The following PBRM1 variants were observed in gnomAD, a reference collection of about 807,000 sequenced individuals.
PBRM1 encodes protein polybromo-1.
Under a neutral mutation model 194.5 loss-of-function variants are expected in PBRM1, and 27 were observed. The observed-to-expected ratio is 0.14, with a 90% CI of 0.10 to 0.19. PBRM1 has a LOEUF of 0.19. PBRM1 is among the 10% of genes least tolerant of loss of function. The pLI is 1.00. For synonymous variants in PBRM1, 655 were observed against 693.2 expected (o/e 0.94, Z 0.87); for missense variants, 1,466 against 2,077.2 (o/e 0.71, Z 5.72).
At position 52,609,373 on chromosome 3, in the gene PBRM1, C is replaced by T. The variant is rs761573345; in HGVS notation, c.2507G>A (p.Arg836Gln). ...CATATGCTCTTGAAATAAATCAAGC[C>T]GACGGTAGCGATTATTTTCAACATT... Residue 836 changes from arginine to glutamine, a missense_variant, in exon 16 of 30, where the codon CGG (arginine) becomes CAG (glutamine). Coordinates refer to ENST00000296302, the Ensembl canonical transcript of PBRM1. The surrounding 1 kb of genome is among the most constrained non-coding windows in gnomAD (Gnocchi z 4.1). The T allele has an allele frequency of 6.2e-7, 1 of 1,613,894 alleles. No homozygotes were observed. The highest frequency in any genetic ancestry group is 8.5e-7 in the Non-Finnish European group (1 of 1,179,812).
chr3:52,676,151 AAT>A (rs1353177181), intron 2 of PBRM1, among the ~76,000 whole-genome samples: 628 of 16,598 alleles, frequency 0.038, 253 homozygotes, highest in Non-Finnish European at 0.054. Context: ...AAAAAAAAAA[AAT>A]AATGAATGAA....
chr3:52,666,069 G>GA (rs542723912), intron 3 of PBRM1, among the ~76,000 whole-genome samples: 28 of 152,046 alleles, frequency 1.8e-4, no homozygotes, highest in African/African-American at 6.7e-4. Context: ...AAAAAGTTTT[G>GA]AAAAAAATGA....
At chr3:52,685,885 C>T (rs536602853), upstream of PBRM1, 4 of 621,500 alleles carry the variant, frequency 6.4e-6, no homozygotes, top group Admixed American at 5.2e-5. Flanking sequence ...CCTCACCTCC[C>T]TTACCCCTCC....
intron 22 of PBRM1, 127 bp downstream of exon 24, chr3:52,576,414 A>G (rs2089616015): frequency 1.8e-6 from 1 of 569,250 alleles, no homozygotes; most frequent in African/African-American, 1.9e-5. Context: ...GCCCCAACAT[A>G]AGAGAACAGA....
At chr3:52,669,092 C>G (rs981542306) in intron 2 of PBRM1, among the ~76,000 whole-genome samples, 1 of 152,124 alleles carries the variant, frequency 6.6e-6, no homozygotes, top group Non-Finnish European at 1.5e-5. Context: ...TAAATTTTTT[C>G]TGCCAAGTAC....
intron 13 of PBRM1, among the ~76,000 whole-genome samples, chr3:52,623,107 CT>C (rs2095334800): frequency 6.6e-6 from 1 of 152,198 alleles, no homozygotes; most frequent in Non-Finnish European, 1.5e-5. Context: ...CACCATGCTG[CT>C]TTTATGTCCC....
chr3:52,576,470 C>A (rs2089635651), intron 22 of PBRM1, 71 bp downstream of exon 24: 2 of 1,199,230 alleles, frequency 1.7e-6, no homozygotes, highest in East Asian at 2.4e-5. Flanking sequence ...TAGAACAGTG[C>A]CCCACAGAAG....
At chr3:52,564,412 G>A (rs954760905) in intron 22 of PBRM1, among the ~76,000 whole-genome samples, 179 bp from the exon 25 acceptor site, 6 of 152,130 alleles carry the variant, frequency 3.9e-5, no homozygotes, top group African/African-American at 7.2e-5. Flanking sequence ...AGGCTGAAGT[G>A]GGCAGATCTC....
chr3:52,599,105 G>A (rs140904277), intron 17 of PBRM1, among the ~76,000 whole-genome samples: 98 of 151,900 alleles, frequency 6.5e-4, no homozygotes, highest in South Asian at 1.0e-3. Context: ...CAAGAGACTC[G>A]CTTGAGCTCA....
intron 13 of PBRM1, among the ~76,000 whole-genome samples, chr3:52,622,559 G>A (rs1201784417): frequency 6.6e-6 from 1 of 152,154 alleles, no homozygotes; most frequent in African/African-American, 2.4e-5. Context: ...CAAAGTTTAT[G>A]CACTAGCAGA....
At chr3:52,617,222 C>G (rs201286449) in intron 14 of PBRM1, 40 bp downstream of exon 16, 1 of 1,573,162 alleles carries the variant, frequency 6.4e-7, no homozygotes, top group East Asian at 2.2e-5. Flanking sequence ...ACCCCTCTCC[C>G]GCAAAATGTG....
At chr3:52,565,432 C>T (rs746730756) in intron 22 of PBRM1, among the ~76,000 whole-genome samples, 2 of 150,878 alleles carry the variant, frequency 1.3e-5, no homozygotes, top group Non-Finnish European at 2.9e-5. Flanking sequence ...TGCTTGAACC[C>T]GGAAGGCAGA....
rs1404920436 is a variant in PBRM1, at chr3:52,603,458, A to G, written c.2779+63T>C. The G allele has an allele frequency of 3.3e-6, 5 of 1,521,498 alleles. No individual in the cohort carries two copies. In the East Asian group the frequency reaches 1.2e-4, roughly 35 times the overall value. The allele number at this position is 1,521,498 out of a possible 1,614,324, so 94.2% of individuals were successfully genotyped here. ...CAAACAGGACTCTTTTCCACAGCTA[A>G]TTATGAGAACACCTAGAAGACAGTG... On this transcript the variant is annotated intron_variant, in intron 17 of 29. Transcript: ENST00000296302.
chr3:52,578,158 G>T (rs572936313), intron 21 of PBRM1, among the ~76,000 whole-genome samples: 1 of 151,992 alleles, frequency 6.6e-6, no homozygotes, highest in Non-Finnish European at 1.5e-5. Context: ...TCTCAGTGAG[G>T]CCTATATAAA....
chr3:52,597,418 A>G (rs1364630421), intron 17 of PBRM1, among the ~76,000 whole-genome samples: 1 of 152,152 alleles, frequency 6.6e-6, no homozygotes, highest in Non-Finnish European at 1.5e-5. Flanking sequence ...TAATTTTTAA[A>G]AGTTCTGCCA....
intron 13 of PBRM1, among the ~76,000 whole-genome samples, chr3:52,624,170 T>C (rs1687568546): frequency 6.6e-6 from 1 of 152,196 alleles, no homozygotes; most frequent in Non-Finnish European, 1.5e-5. Flanking sequence ...TTTTACTACC[T>C]TGCTTCCAAA....
chr3:52,627,093 C>T (rs1209957015), intron 13 of PBRM1, among the ~76,000 whole-genome samples, 180 bp downstream of exon 14: 1 of 151,364 alleles, frequency 6.6e-6, no homozygotes, highest in African/African-American at 2.4e-5. Flanking sequence ...CTAAAAGTAA[C>T]ATGGCACTTT....
At chr3:52,577,095 T>A (rs2153665668) in intron 21 of PBRM1, among the ~76,000 whole-genome samples, 1 of 152,312 alleles carries the variant, frequency 6.6e-6, no homozygotes. Context: ...GTGGCAGACA[T>A]TCCTTTAAGA....
intron 2 of PBRM1, among the ~76,000 whole-genome samples, chr3:52,674,496 A>AGAG: frequency 7.2e-6 from 1 of 138,222 alleles, no homozygotes; most frequent in Admixed American, 7.8e-5. Context: ...AAAAAAAAAA[A>AGAG]AGAGAGAGAG....
Sources: allele counts gnomAD v4.1 joint callset (sites outside exome capture counted in the v4.1 genomes callset), GRCh38; gene constraint gnomAD v4.1.1; non-coding constraint Gnocchi (gnomAD v3.1); transcripts MANE v1.5; gene names NCBI Gene and HGNC (gene_info 2026-07-23, HGNC 2026-07-21).